Variants in MUTYH observed in about 807,000 individuals in gnomAD.
MUTYH encodes the protein mutY DNA glycosylase, also known as adenine DNA glycosylase.
In MUTYH, 64 loss-of-function variants were observed where a neutral mutation model predicts 72.9. The observed-to-expected ratio is 0.88, with a 90% CI of 0.72 to 1.08. The LOEUF is 1.08. Among genes scored for constraint, MUTYH ranks in the 50% least tolerant of loss-of-function variants. The probability of loss-of-function intolerance (pLI) is 0.00; values close to 1 mark genes in which losing one functional copy is unlikely to be tolerated. For missense variants in MUTYH, 633 were observed against 671.0 expected (o/e 0.94, Z 0.63); for synonymous variants, 234 against 263.1 (o/e 0.89, Z 1.07).
intron 1 of MUTYH, among the ~76,000 whole-genome samples, chr1:45,335,342 A>G (rs561509049): frequency 1.3e-5 from 2 of 152,250 alleles, no homozygotes; most frequent in South Asian, 4.1e-4. Flanking sequence ...ATCCACGACC[A>G]GCATTCTTAT....
chr1:45,333,748 T>A, intron 2 of MUTYH, 187 bp from the exon 3 acceptor site: 1 of 864,392 alleles, frequency 1.2e-6, no homozygotes, highest in Non-Finnish European at 1.7e-6. Context: ...TTTCTGGCCT[T>A]AATTTTCTCA....
rs1263648272 is a variant in MUTYH, at chr1:45,332,668, C to A, written c.512G>T (p.Gly171Val). 1 of 1,614,082 alleles carries A rather than the reference C, an allele frequency of 6.2e-7. No individual in the cohort carries two copies. The highest frequency in any genetic ancestry group is 1.7e-5 in the Admixed American group (1 of 60,024). ...GARKVVEELG[G>V]HMPRTAETLQ... Reference sequence around the variant, plus strand: ...GGTCTCTGCTGTACGTGGCATGTGGCCCCCTAGCTCCTCTACCACCTGATT... The same window carrying A: ...GGTCTCTGCTGTACGTGGCATGTGGACCCCTAGCTCCTCTACCACCTGATT... The change falls in exon 8 of 16, where the codon GGC becomes GTC. Residue 171 changes from glycine (G) to valine (V), a missense_variant. Physicochemically the swap from Gly to Val is moderately radical, Grantham distance 109. Transcript: ENST00000456914.
Position 45,334,402 on chromosome 1 carries a change from G to A in MUTYH, c.104C>T (p.Ser35Phe), listed in dbSNP as rs2149186919. Residue 35 changes from serine (S) to phenylalanine (F), a missense_variant, in exon 2 of 16, where the codon TCT becomes TTT. Coordinates refer to ENST00000456914, the MANE Select transcript of MUTYH (RefSeq NM_001048174.2). ...ACCTAGTTCCTTACCATCACAGGCAGAAGGCTTGGCCTGACTGTTGTTCTT... is the reference window on the plus strand; with the variant it reads ...ACCTAGTTCCTTACCATCACAGGCAAAAGGCTTGGCCTGACTGTTGTTCTT... ...HAKNNSQAKP[S>F]ACDGLARQPE... 6.2e-7 allele frequency: 1 copy of A among 1,614,124 alleles called. No individual in the cohort carries two copies. Among genetic ancestry groups the A allele is most frequent in the South Asian group, 1.1e-5 (1 of 91,076 alleles).
At chr1:45,333,724 T>C (rs1645420016) in intron 2 of MUTYH, 163 bp from the exon 3 acceptor site, 1 of 1,069,488 alleles carries the variant, frequency 9.4e-7, no homozygotes, top group Non-Finnish European at 1.3e-6. Context: ...TAATTGTGTG[T>C]AGCTGTGGCT....
At chr1:45,330,318 C>T (rs1284712009) in intron 15 of MUTYH, among the ~76,000 whole-genome samples, 198 bp downstream of exon 15, 1 of 150,990 alleles carries the variant, frequency 6.6e-6, no homozygotes, top group Non-Finnish European at 1.5e-5. Flanking sequence ...ACCTGTGACA[C>T]TGGAGAGTCC....
intron 1 of MUTYH, among the ~76,000 whole-genome samples, chr1:45,335,272 C>T (rs1422686188): frequency 2.0e-5 from 3 of 152,128 alleles, no homozygotes; most frequent in Non-Finnish European, 1.5e-5. Context: ...ACTAGTATCA[C>T]CTCCACCTTA....
chr1:45,333,518 G>A lies in MUTYH; in HGVS notation c.159C>T (p.Val53=), dbSNP rs1553130383. ...CGTCTCTGAATAGATGGTATGAGGA[G>A]ACAGAGGCCTGCAATACCACCTCTT... is the stretch of plus-strand genomic sequence containing the variant. The part of the protein sequence containing the change: ...QPEEVVLQAS[V]SSYHLFRDVA... The change falls in exon 3 of 16, where the codon GTC becomes GTT. Residue 53 remains valine, a synonymous_variant. Coordinates refer to ENST00000456914, the MANE Select transcript of MUTYH (RefSeq NM_001048174.2). 6.2e-7 allele frequency: 1 copy of A among 1,614,088 alleles called. No homozygotes were observed. Among genetic ancestry groups the A allele is most frequent in the East Asian group, 2.2e-5 (1 of 44,894 alleles).
chr1:45,331,485 G>T lies in MUTYH; in HGVS notation c.1174C>A (p.Leu392Met), dbSNP rs144079536. ...EPSEQLQRKA[L>M]LQELQRWAGP... ...GCCCAACGCTGTAGTTCCTGCAGCA[G>T]GGCCTTGCGCTGAAGCTGCTCTGAG... Residue 392 changes from leucine (L) to methionine (M), a missense_variant, in exon 13 of 16, where the codon CTG becomes ATG. Physicochemically the swap from Leu to Met is conservative, Grantham distance 15. Coordinates refer to ENST00000456914, the MANE Select transcript of MUTYH (RefSeq NM_001048174.2). 5.5e-4 allele frequency: 893 copies of T among 1,614,202 alleles called. 2 individuals carry two copies. Among genetic ancestry groups the T allele is most frequent in the Middle Eastern group, 2.5e-3 (15 of 6,058 alleles).
rs747586848 is a variant in MUTYH, at chr1:45,331,565, G to A, written c.1103-9C>T. Reference sequence around the variant, plus strand: ...CAGTCCTGCCAGCAGACCTGAGAGGGAGGGCAGCCAGGCAGGGGTCAGGCC... The same window carrying A: ...CAGTCCTGCCAGCAGACCTGAGAGGAAGGGCAGCCAGGCAGGGGTCAGGCC... On this transcript the variant is annotated splice_polypyrimidine_tract_variant and intron_variant, in intron 12 of 15. Coordinates refer to ENST00000456914, the MANE Select transcript of MUTYH (RefSeq NM_001048174.2). 6.2e-7 allele frequency: 1 copy of A among 1,613,782 alleles called. No homozygotes were observed. Among genetic ancestry groups the A allele is most frequent in the Admixed American group, 1.7e-5 (1 of 60,030 alleles).
chr1:45,329,319 C>G lies in MUTYH; in HGVS notation c.1553G>C (p.Ser518Thr), dbSNP rs2149087335. ...HISTDAHSLN[S>T]AAQ is the part of the protein sequence containing the mutation. ...CTTTCAGAGGTGTCACTGGGCTGCA[C>G]TGTTGAGGCTGTGTGCATCAGTGGA... Residue 518 changes from serine to threonine, a missense_variant, in exon 16 of 16, where the codon AGT becomes ACT. Ser to Thr is a moderately conservative substitution (Grantham distance 58, BLOSUM62 1). Transcript: ENST00000456914. The G allele has an allele frequency of 3.7e-6, 6 of 1,614,200 alleles. No individual in the cohort carries two copies. Among genetic ancestry groups the G allele is most frequent in the Non-Finnish European group, 5.1e-6 (6 of 1,180,030 alleles).
chr1:45,329,564 G>T, intron 15 of MUTYH, 127 bp from the exon 16 acceptor site: 1 of 1,294,216 alleles, frequency 7.7e-7, no homozygotes, highest in Non-Finnish European at 1.1e-6. Context: ...ATGCTGTAGA[G>T]CTTTCATCCT....
intron 1 of MUTYH, among the ~76,000 whole-genome samples, chr1:45,338,880 C>T (rs1267658645): frequency 1.3e-5 from 2 of 152,150 alleles, no homozygotes; most frequent in Non-Finnish European, 2.9e-5. Flanking sequence ...ATCCTCTCAC[C>T]TCAGCCTCCT....
chr1:45,340,349 G>T, upstream of MUTYH: 1 of 1,589,992 alleles, frequency 6.3e-7, no homozygotes, highest in South Asian at 1.1e-5. Context: ...CTGCGCTCTG[G>T]GAGAGGGGAA....
At chr1:45,339,876 C>T in intron 1 of MUTYH, 23 bp downstream of exon 1, 1 of 1,379,638 alleles carries the variant, frequency 7.2e-7, no homozygotes, top group Non-Finnish European at 9.6e-7. Flanking sequence ...AAGCCCAAAC[C>T]CAGCCACCCC....
intron 15 of MUTYH, 29 bp from the exon 16 acceptor site, chr1:45,329,466 T>C: frequency 6.2e-7 from 1 of 1,613,236 alleles, no homozygotes; most frequent in Non-Finnish European, 8.5e-7. Flanking sequence ...AGGGAGGCCT[T>C]GTAGTTGGGG....
Position 45,335,328 on chromosome 1 carries a change from T to C in MUTYH, c.-6-817A>G, listed in dbSNP as rs200428977. On this transcript the variant is annotated intron_variant, in intron 1 of 15. Coordinates refer to ENST00000456914, the MANE Select transcript of MUTYH (RefSeq NM_001048174.2). ...TATGGAGATTAAGCGACTTGTTCTTTCAAATCCACGACCAGCATTCTTATA... is the reference window on the plus strand; with the variant it reads ...TATGGAGATTAAGCGACTTGTTCTTCCAAATCCACGACCAGCATTCTTATA... Among the ~76,000 whole-genome samples, 17 of 152,272 alleles carry C rather than the reference T, an allele frequency of 1.1e-4. No individual in the cohort carries two copies. The East Asian group carries it at 3.3e-3, about 29-fold the overall frequency.
upstream of MUTYH, chr1:45,340,192 A>G (rs756764712): frequency 1.2e-6 from 2 of 1,613,314 alleles, no homozygotes; most frequent in East Asian, 2.2e-5. Context: ...GAACCGCGCC[A>G]GGAGACGGAC....
upstream of MUTYH, chr1:45,340,062 G>C (rs571304759): frequency 1.9e-5 from 30 of 1,543,930 alleles, 1 homozygote; most frequent in Admixed American, 4.3e-4. Context: ...CGGCAGCACA[G>C]GCCAATAGGC....
chr1:45,339,849 G>T, intron 1 of MUTYH, 50 bp downstream of exon 1: 1 of 1,340,870 alleles, frequency 7.5e-7, no homozygotes, highest in East Asian at 4.5e-5. Context: ...AGCTCAGGCA[G>T]CGTCACCTTC....
Sources: allele counts gnomAD v4.1 joint callset (sites outside exome capture counted in the v4.1 genomes callset), GRCh38; gene constraint gnomAD v4.1.1; transcripts MANE v1.5; gene names NCBI Gene and HGNC (gene_info 2026-07-23, HGNC 2026-07-21).